Variants in ZMAT4 observed in about 807,000 individuals in gnomAD.
The protein encoded by ZMAT4 is zinc finger matrin-type protein 4.
In ZMAT4, 17 loss-of-function variants were observed where a neutral mutation model predicts 28.7. The observed-to-expected ratio is 0.59, with a 90% CI of 0.41 to 0.89. The LOEUF is 0.89. ZMAT4 is among the 40% of genes least tolerant of loss of function. The pLI, the probability that ZMAT4 is intolerant of heterozygous loss-of-function variation, is 0.00. For synonymous variants in ZMAT4, 117 were observed against 109.2 expected, an observed-to-expected ratio of 1.07 and a Z score of -0.44; for missense variants, 240 against 283.8, an observed-to-expected ratio of 0.85 and a Z score of 1.11.
At chr8:40,614,183 G>T (rs968906811) in intron 5 of ZMAT4, among the ~76,000 whole-genome samples, 1 of 152,150 alleles carries the variant, frequency 6.6e-6, no homozygotes, top group African/African-American at 2.4e-5. Flanking sequence ...CCTTGCAAAG[G>T]AAGTGTCAGC....
chr8:40,712,648 G>A (rs1810674603), intron 3 of ZMAT4, among the ~76,000 whole-genome samples: 1 of 152,196 alleles, frequency 6.6e-6, no homozygotes, highest in Non-Finnish European at 1.5e-5. Context: ...GGCTACATGG[G>A]CAGACAGGGA....
intron 3 of ZMAT4, among the ~76,000 whole-genome samples, chr8:40,712,470 C>T (rs2150509047): frequency 6.6e-6 from 1 of 152,338 alleles, no homozygotes; most frequent in Admixed American, 6.5e-5. Context: ...TGTTTCCATT[C>T]TTTCTTTAGC....
In ZMAT4 at chr8:40,820,606, A is replaced by G. The variant is rs1164931147; in HGVS notation, c.102+4969T>C. ...TGTGTGTATCTGTATGTGGGAGTGCATGTGTGTGTATGTGTGTGTATGTGT... is the reference window on the plus strand; with the variant it reads ...TGTGTGTATCTGTATGTGGGAGTGCGTGTGTGTGTATGTGTGTGTATGTGT... On this transcript the variant is annotated intron_variant, in intron 2 of 6. Coordinates refer to ENST00000297737, the MANE Select transcript of ZMAT4 (RefSeq NM_024645.3). 1.9e-4 allele frequency among the ~76,000 whole-genome samples: 6 copies of G among 31,192 alleles called. No individual in the cohort carries two copies. In the East Asian group the frequency reaches 6.9e-3, roughly 36 times the overall value. The allele number at this position is 31,192 out of a possible 152,430, so 20.5% of individuals were successfully genotyped here.
chr8:40,706,901 CT>C (rs1400267088), intron 3 of ZMAT4, among the ~76,000 whole-genome samples: 1 of 152,166 alleles, frequency 6.6e-6, no homozygotes, highest in African/African-American at 2.4e-5. Flanking sequence ...GAGCACACCT[CT>C]CCCCCACTAG....
At chr8:40,607,606 T>A (rs1256512079) in intron 5 of ZMAT4, among the ~76,000 whole-genome samples, 1 of 152,118 alleles carries the variant, frequency 6.6e-6, no homozygotes, top group Non-Finnish European at 1.5e-5. Flanking sequence ...AAGCACCTTG[T>A]TTAGTCATAT....
chr8:40,564,529 AG>A (rs1484119212), intron 6 of ZMAT4, among the ~76,000 whole-genome samples: 1 of 152,216 alleles, frequency 6.6e-6, no homozygotes, highest in Non-Finnish European at 1.5e-5. Flanking sequence ...AGTAGACAAA[AG>A]TAAAGTTTTC....
chr8:40,656,497 G>A (rs1312779353), intron 5 of ZMAT4, among the ~76,000 whole-genome samples: 1 of 152,072 alleles, frequency 6.6e-6, no homozygotes, highest in African/African-American at 2.4e-5. Flanking sequence ...TTCCATGAAT[G>A]TACCTAGCAG....
Position 40,531,025 on chromosome 8 carries a change from G to C in ZMAT4, c.*1198C>G, listed in dbSNP as rs2118335445. 6.5e-6 allele frequency: 1 copy of C among 152,732 alleles called. No homozygotes were observed. The highest frequency in any genetic ancestry group is 1.9e-4 in the East Asian group (1 of 5,180). The allele number at this position is 152,732 out of a possible 1,614,324, so 9.5% of individuals were successfully genotyped here. A position where few individuals can be genotyped will look rare whatever the true frequency, so the allele number is the denominator to read the frequency against. ...AAGATGGATTGCCTATGGTCGTTAG[G>C]GACACAGGGCAGCCCCAGCCAGATC... On this transcript the variant is annotated 3_prime_UTR_variant, in exon 7 of 7. Coordinates refer to ENST00000297737, the MANE Select transcript of ZMAT4 (RefSeq NM_024645.3).
At chr8:40,664,977 G>T (rs1808345513) in intron 5 of ZMAT4, among the ~76,000 whole-genome samples, 1 of 152,164 alleles carries the variant, frequency 6.6e-6, no homozygotes, top group African/African-American at 2.4e-5. Context: ...CCATGCCAAG[G>T]TTAAGTGGAA....
At chr8:40,850,340 A>G (rs926091711) in intron 1 of ZMAT4, among the ~76,000 whole-genome samples, 2 of 151,780 alleles carry the variant, frequency 1.3e-5, no homozygotes, top group Non-Finnish European at 2.9e-5. Context: ...CCTTCCCCTC[A>G]TCGACTGTGG....
At position 40,792,687 on chromosome 8, in the gene ZMAT4, A is replaced by G. The variant is rs112742339; in HGVS notation, c.103-24957T>C. 6.9e-4 allele frequency among the ~76,000 whole-genome samples: 5 copies of G among 7,252 alleles called. 1 individual carries two copies. Among genetic ancestry groups the G allele is most frequent in the African/African-American group, 1.7e-3 (2 of 1,192 alleles). The allele number at this position is 7,252 out of a possible 152,430, so 4.8% of individuals were successfully genotyped here. On this transcript the variant is annotated intron_variant, in intron 2 of 6. Transcript: ENST00000297737. ...ATGAGGAGAGGGGAGGGGAGGGGAG[A>G]GGAGGAGAGGGGAGGGGAGGGGAGG...
At chr8:40,772,652 G>C (rs1396385752) in intron 2 of ZMAT4, among the ~76,000 whole-genome samples, 1 of 152,172 alleles carries the variant, frequency 6.6e-6, no homozygotes, top group Non-Finnish European at 1.5e-5. Flanking sequence ...GAGGCTGGCA[G>C]GAGAGGTGTT....
chr8:40,714,739 A>G (rs770597226), intron 3 of ZMAT4, among the ~76,000 whole-genome samples: 2 of 152,198 alleles, frequency 1.3e-5, no homozygotes, highest in African/African-American at 4.8e-5. Flanking sequence ...AAGAAATGAA[A>G]TAAGTTTACA....
intron 1 of ZMAT4, among the ~76,000 whole-genome samples, chr8:40,881,992 A>G (rs1818297243): frequency 6.6e-6 from 1 of 152,108 alleles, no homozygotes; most frequent in Admixed American, 6.5e-5. Flanking sequence ...TAATTAGAGG[A>G]CACCCTTTCA....
At chr8:40,651,472 A>T (rs13271043) in intron 5 of ZMAT4, among the ~76,000 whole-genome samples, 42,254 of 149,078 alleles carry the variant, frequency 0.28, 5,989 homozygotes, top group Admixed American at 0.37. Flanking sequence ...TGGGTAGGAA[A>T]AATCAATATC....
chr8:40,550,015 T>C (rs1803319821), intron 6 of ZMAT4, among the ~76,000 whole-genome samples: 1 of 152,096 alleles, frequency 6.6e-6, no homozygotes, highest in Non-Finnish European at 1.5e-5. Flanking sequence ...CTTTGCCAAT[T>C]TCCCTCTCAG....
chr8:40,587,022 G>C (rs116908549), intron 5 of ZMAT4, among the ~76,000 whole-genome samples: 1,775 of 151,532 alleles, frequency 0.012, 11 homozygotes, highest in Middle Eastern at 0.075. Context: ...TGAAGAGGAG[G>C]GTAAAGAGCT....
chr8:40,617,367 T>C (rs1421445222), intron 5 of ZMAT4, among the ~76,000 whole-genome samples: 2 of 152,218 alleles, frequency 1.3e-5, no homozygotes, highest in Non-Finnish European at 2.9e-5. Flanking sequence ...CCTATGCAGG[T>C]ATATTTTAGA....
intron 3 of ZMAT4, among the ~76,000 whole-genome samples, chr8:40,744,656 C>A (rs1202009770): frequency 1.3e-5 from 2 of 152,088 alleles, no homozygotes; most frequent in East Asian, 1.9e-4. Context: ...ACACCCACCC[C>A]AGGTATTAGG....
Sources: gnomAD v4.1 joint callset for allele counts (sites outside exome capture counted in the v4.1 genomes callset) on GRCh38, gnomAD v4.1.1 for gene constraint, MANE v1.5 for transcripts, NCBI Gene and HGNC (gene_info 2026-07-23, HGNC 2026-07-21) for gene names.